Variants in BMP7 observed in about 807,000 individuals in gnomAD.
The protein encoded by BMP7 is osteogenic protein 1.
In BMP7, 12 loss-of-function variants were observed where a neutral mutation model predicts 41.2. The ratio of observed to expected loss-of-function variants is 0.29; its 90% CI spans 0.19 to 0.47. The LOEUF is 0.47. BMP7 is among the 20% of genes least tolerant of loss of function. The probability of loss-of-function intolerance (pLI) is 0.99; values close to 1 mark genes in which losing one functional copy is unlikely to be tolerated. For missense variants in BMP7, 467 were observed against 606.0 expected (o/e 0.77, Z 2.41); for synonymous variants, 248 against 250.0 (o/e 0.99, Z 0.07).
intron 3 of BMP7, among the ~76,000 whole-genome samples, chr20:57,194,013 T>C (rs958964257): frequency 5.3e-5 from 8 of 152,164 alleles, no homozygotes; most frequent in Non-Finnish European, 7.3e-5. Context: ...CCTTCCTCCG[T>C]CCATGAACGC....
At chr20:57,264,923 C>T (rs2066169021) in intron 1 of BMP7, among the ~76,000 whole-genome samples, 1 of 150,148 alleles carries the variant, frequency 6.7e-6, no homozygotes, top group South Asian at 2.1e-4. Flanking sequence ...CCCAGCTACT[C>T]GGGAGGCTGA....
At chr20:57,244,555 T>G (rs2066082072) in intron 1 of BMP7, among the ~76,000 whole-genome samples, 1 of 152,252 alleles carries the variant, frequency 6.6e-6, no homozygotes, top group Admixed American at 6.5e-5. Context: ...ACGCAGGCTC[T>G]GCCAATCACC....
chr20:57,260,971 G>A (rs2066152003), intron 1 of BMP7, among the ~76,000 whole-genome samples: 1 of 152,168 alleles, frequency 6.6e-6, no homozygotes. Context: ...GGTGGAGACG[G>A]GGGAGACTTA....
In BMP7 at chr20:57,259,491, C is replaced by A. The variant is rs1219632510; in HGVS notation, c.418+6214G>T. Reference sequence around the variant, plus strand: ...ATGAAAAGCAGGGTTGTGTGAGAGGCTCTGGTTTGGAAATGCATTAACACA... The same window carrying A: ...ATGAAAAGCAGGGTTGTGTGAGAGGATCTGGTTTGGAAATGCATTAACACA... On this transcript the variant is annotated intron_variant, in intron 1 of 6. Coordinates refer to ENST00000395863, the MANE Select transcript of BMP7 (RefSeq NM_001719.3). The surrounding 1 kb of genome is among the most constrained non-coding windows in gnomAD (Gnocchi z 4.7). Among the ~76,000 whole-genome samples, 1 of 152,238 alleles carries A rather than the reference C, an allele frequency of 6.6e-6. No individual in the cohort carries two copies. Among genetic ancestry groups the A allele is most frequent in the Admixed American group, 6.5e-5 (1 of 15,288 alleles).
At chr20:57,198,437 C>T (rs1347680830) in intron 3 of BMP7, among the ~76,000 whole-genome samples, 2 of 152,212 alleles carry the variant, frequency 1.3e-5, no homozygotes, top group African/African-American at 4.8e-5. Context: ...GACTCCAGCC[C>T]TCATTCCTGT....
At chr20:57,203,758 A>G (rs1408263151) in intron 2 of BMP7, among the ~76,000 whole-genome samples, 1 of 152,244 alleles carries the variant, frequency 6.6e-6, no homozygotes, top group Non-Finnish European at 1.5e-5. Context: ...AAACCAAGGC[A>G]TAATGATGAA....
At chr20:57,264,447 A>T (rs570296270) in intron 1 of BMP7, among the ~76,000 whole-genome samples, 1 of 152,324 alleles carries the variant, frequency 6.6e-6, no homozygotes, top group South Asian at 2.1e-4. Context: ...ATATTTGATC[A>T]TCAGTCCCGC....
intron 4 of BMP7, among the ~76,000 whole-genome samples, chr20:57,180,809 G>T (rs1310790404): frequency 6.6e-6 from 1 of 152,126 alleles, no homozygotes. Flanking sequence ...CCATCCGGGG[G>T]CCCCAGGACA....
In BMP7 at chr20:57,258,601, C is replaced by T. The variant is rs2066142839; in HGVS notation, c.418+7104G>A. ...GGCACTACAGAGAGTTCCGGTATAC[C>T]CTCTCACTGAGTTCCAGTTTCCCAA... On this transcript the variant is annotated intron_variant, in intron 1 of 6. Transcript: ENST00000395863. 2.0e-5 allele frequency among the ~76,000 whole-genome samples: 3 copies of T among 151,760 alleles called. No homozygotes were observed. In the South Asian group the frequency reaches 6.3e-4, roughly 32 times the overall value.
chr20:57,211,962 T>C (rs1165272767), intron 2 of BMP7, among the ~76,000 whole-genome samples: 1 of 152,138 alleles, frequency 6.6e-6, no homozygotes, highest in East Asian at 1.9e-4. Context: ...GCTGGAGGAA[T>C]GAATACAGTT....
chr20:57,252,993 C>T (rs1215363497), intron 1 of BMP7, among the ~76,000 whole-genome samples: 2 of 152,162 alleles, frequency 1.3e-5, no homozygotes, highest in Non-Finnish European at 2.9e-5. Flanking sequence ...TCTGGTTAAA[C>T]ATACCAATAG....
intron 3 of BMP7, among the ~76,000 whole-genome samples, chr20:57,199,880 C>T (rs116328306): frequency 0.02 from 3,015 of 152,318 alleles, 100 homozygotes; most frequent in African/African-American, 0.068. Context: ...GCACCACACC[C>T]GGCCCCCAGG....
rs1273700485 is a variant in BMP7, at chr20:57,219,335, C to T, written c.611+8894G>A. On this transcript the variant is annotated intron_variant, in intron 2 of 6. Coordinates refer to ENST00000395863, the MANE Select transcript of BMP7 (RefSeq NM_001719.3). ...GAAGGTGGGAAGAAGACAGGGTGGGCGAGGGACTTCCCACTTAAGTATGTT... is the reference window on the plus strand; with the variant it reads ...GAAGGTGGGAAGAAGACAGGGTGGGTGAGGGACTTCCCACTTAAGTATGTT... 5.9e-5 allele frequency among the ~76,000 whole-genome samples: 9 copies of T among 151,966 alleles called. No homozygotes were observed. In the East Asian group the frequency reaches 1.5e-3, roughly 26 times the overall value.
rs374412890 is a variant in BMP7, at chr20:57,176,493, C to T, written c.959-1486G>A. On this transcript the variant is annotated intron_variant, in intron 4 of 6. Transcript: ENST00000395863. ...GCAGTCTGCTTGAGCCCAGGTGTCG[C>T]CCTTAGAGGTGTAGACCCTGGAGCA... is the stretch of plus-strand genomic sequence containing the variant. 1.1e-3 allele frequency among the ~76,000 whole-genome samples: 173 copies of T among 152,244 alleles called. 5 individuals are homozygous for T. The South Asian group carries it at 0.032, about 28-fold the overall frequency.
Position 57,207,613 on chromosome 20 carries a change from G to A in BMP7, c.612-4990C>T, listed in dbSNP as rs867531519. Among the ~76,000 whole-genome samples, 32 of 151,922 alleles carry A rather than the reference G, an allele frequency of 2.1e-4. No individual in the cohort carries two copies. In the Middle Eastern group the frequency reaches 0.01, roughly 48 times the overall value. On this transcript the variant is annotated intron_variant, in intron 2 of 6. Coordinates refer to ENST00000395863, the MANE Select transcript of BMP7 (RefSeq NM_001719.3). The stretch of plus-strand genomic sequence containing the variant: ...CAAGGCAACAGAGCCCTGCACAGCC[G>A]CTTCAAAGGACCGTATAAATCTACA...
chr20:57,206,728 G>C, intron 2 of BMP7, among the ~76,000 whole-genome samples: 1 of 152,206 alleles, frequency 6.6e-6, no homozygotes. Flanking sequence ...GCCAGGTTAA[G>C]ACCAGCCTGG....
intron 3 of BMP7, among the ~76,000 whole-genome samples, chr20:57,190,426 CCCGAGGGGG>C: frequency 8.9e-6 from 1 of 112,578 alleles, no homozygotes; most frequent in Non-Finnish European, 1.9e-5. Flanking sequence ...GAGTGAGGAG[CCCGAGGGGG>C]TGAGGCTGGA....
rs141957513 is a variant in BMP7 at position 57,202,491 on chromosome 20, C to T, written c.744G>A (p.Ser248=). The T allele has an allele frequency of 3.2e-5, 52 of 1,606,310 alleles. No individual in the cohort carries two copies. The highest frequency in any genetic ancestry group is 1.1e-4 in the East Asian group (5 of 44,856). The change falls in exon 3 of 7, where the codon TCG becomes TCA. Residue 248 remains serine (S), a synonymous_variant. Transcript: ENST00000395863. Reference sequence around the variant, plus strand: ...GGGACTCACCATCCAGCGTCTCCACCGAGAGCTGCAGGCCCAGGTTGTGCC... The same window carrying T: ...GGGACTCACCATCCAGCGTCTCCACTGAGAGCTGCAGGCCCAGGTTGTGCC... ...NPRHNLGLQL[S]VETLDGQSIN...
At chr20:57,257,824 C>CAAAAA (rs139904463) in intron 1 of BMP7, among the ~76,000 whole-genome samples, 4 of 103,258 alleles carry the variant, frequency 3.9e-5, no homozygotes, top group African/African-American at 7.2e-5. Flanking sequence ...CACAAGCCAC[C>CAAAAA]AAAAAAAAAA....
Sources: gnomAD v4.1 joint callset for allele counts (sites outside exome capture counted in the v4.1 genomes callset) on GRCh38, gnomAD v4.1.1 for gene constraint, Gnocchi (gnomAD v3.1) non-coding constraint, MANE v1.5 for transcripts, NCBI Gene and HGNC (gene_info 2026-07-23, HGNC 2026-07-21) for gene names.